CUX1: variants seen among roughly 807,000 people sequenced by gnomAD.
CUX1 encodes protein CASP.
CUX1 carries 31 observed loss-of-function variants against 158.8 expected under a neutral mutation model. That is an observed-to-expected ratio of 0.20 (90% confidence interval 0.15 to 0.26). The LOEUF is 0.26. Ranked by LOEUF, CUX1 falls within the 10% of genes least tolerant of loss-of-function variation. The pLI, the probability that CUX1 is intolerant of heterozygous loss-of-function variation, is 1.00. For missense variants in CUX1, 1,589 were observed against 2,014.6 expected, an observed-to-expected ratio of 0.79 and a Z score of 4.04; for synonymous variants, 879 against 862.1, an observed-to-expected ratio of 1.02 and a Z score of -0.34.
chr7:102,246,136 G>A (rs1308361354), intron 23 of CUX1, among the ~76,000 whole-genome samples: 2 of 152,044 alleles, frequency 1.3e-5, no homozygotes, highest in African/African-American at 4.8e-5. Context: ...GTTTTGGGTC[G>A]GGCTGGGACC....
intron 23 of CUX1, among the ~76,000 whole-genome samples, chr7:102,239,987 A>G (rs757765328): frequency 6.6e-6 from 1 of 152,000 alleles, no homozygotes; most frequent in African/African-American, 2.4e-5. Flanking sequence ...ACCTCAGGTG[A>G]TCTGCCCACC....
At position 101,827,244 on chromosome 7, in the gene CUX1, C is replaced by CCTCTTCTCTTCTCTTCTCTTCT. The variant is rs1554381497; in HGVS notation, c.30+9577_30+9578insCTTCTCTTCTCTTCTCTTCTCT. ...TATAACTTTTTTTCTCCCCTCCCCT[C>CCTCTTCTCTTCTCTTCTCTTCT]CTTCTCTTCTCTTCTCTTCTCTTCT... On this transcript the variant is annotated intron_variant, in intron 1 of 23. Transcript: ENST00000292535. Among the ~76,000 whole-genome samples the CCTCTTCTCTTCTCTTCTCTTCT allele has an allele frequency of 2.3e-5, 3 of 129,676 alleles. No homozygotes were observed. In the South Asian group the frequency reaches 8.7e-4, roughly 38 times the overall value. 85.1% of individuals were successfully genotyped at this position (129,676 alleles called of 152,430 possible).
intron 12 of CUX1, among the ~76,000 whole-genome samples, chr7:102,191,828 C>T (rs1338790313): frequency 1.3e-5 from 2 of 151,786 alleles, no homozygotes; most frequent in Non-Finnish European, 2.9e-5. Context: ...CCAACCCCCA[C>T]GTTCACTTCA....
At chr7:102,230,097 C>T (rs1319827690) in intron 21 of CUX1, among the ~76,000 whole-genome samples, 3 of 152,136 alleles carry the variant, frequency 2.0e-5, no homozygotes, top group Non-Finnish European at 4.4e-5. Context: ...ACAACCCTAC[C>T]GAGTGGTTGC....
At chr7:102,229,668 A>G (rs1798757849) in intron 21 of CUX1, among the ~76,000 whole-genome samples, 1 of 120,892 alleles carries the variant, frequency 8.3e-6, no homozygotes, top group Non-Finnish European at 1.6e-5. Flanking sequence ...CTCAGGCTGG[A>G]GTGCAGTGGC....
rs1350555568 is a variant in CUX1, at chr7:101,825,788, TGTGTGTGTGTGCGCGC to T, written c.30+8121_30+8136del. ...GTGTGTGTGTGTGTGTGTGTGTGTG[TGTGTGTGTGTGCGCGC>T]GCGCGCGCAGTTAGTCTTCGGGGCT... On this transcript the variant is annotated intron_variant, in intron 1 of 23. Transcript: ENST00000292535. 4.7e-3 allele frequency among the ~76,000 whole-genome samples: 491 copies of T among 105,240 alleles called. 6 individuals are homozygous for T. Among genetic ancestry groups the T allele is most frequent in the African/African-American group, 0.02 (468 of 23,990 alleles). The allele number at this position is 105,240 out of a possible 152,430, so 69.0% of individuals were successfully genotyped here.
intron 4 of CUX1, among the ~76,000 whole-genome samples, chr7:102,071,924 G>A (rs1033551491): frequency 1.3e-5 from 2 of 152,206 alleles, no homozygotes. Context: ...TGCTGTCTTA[G>A]GAGCTTATCT....
intron 1 of CUX1, among the ~76,000 whole-genome samples, chr7:101,854,606 C>T (rs991156772): frequency 2.0e-5 from 3 of 152,204 alleles, no homozygotes; most frequent in African/African-American, 7.2e-5. Flanking sequence ...TAACAGTTGC[C>T]TCCTCCGATT....
chr7:102,230,300 A>AC (rs1798823602), intron 21 of CUX1, among the ~76,000 whole-genome samples: 2 of 151,160 alleles, frequency 1.3e-5, no homozygotes, highest in South Asian at 2.1e-4. Flanking sequence ...ACACAGTGAG[A>AC]CCCCGTCTCT....
intron 2 of CUX1, among the ~76,000 whole-genome samples, chr7:101,956,163 AG>A (rs1809763316): frequency 6.7e-6 from 1 of 149,566 alleles, no homozygotes; most frequent in African/African-American, 2.4e-5. Context: ...AAAAAAAAAA[AG>A]GAGGCAGCTT....
chr7:101,817,461 C>T (rs932603020), upstream of CUX1: 22 of 1,061,680 alleles, frequency 2.1e-5, no homozygotes, highest in Middle Eastern at 4.2e-4. This position sits in a 1 kb window ranked among gnomAD's most constrained non-coding sequence, Gnocchi z 4.1. Flanking sequence ...GAGTCCCCGG[C>T]GCCGCGGGGG....
chr7:102,103,092 C>G (rs184268657), intron 5 of CUX1, among the ~76,000 whole-genome samples: 1 of 152,282 alleles, frequency 6.6e-6, no homozygotes, highest in Admixed American at 6.5e-5. Flanking sequence ...TGCGCTTTCC[C>G]AAGACAGCCC....
At chr7:101,845,949 A>G (rs1795645313) in intron 1 of CUX1, among the ~76,000 whole-genome samples, 2 of 152,022 alleles carry the variant, frequency 1.3e-5, no homozygotes. Flanking sequence ...CGGAGATTTC[A>G]GTGAGCCGAG....
intron 3 of CUX1, among the ~76,000 whole-genome samples, chr7:102,041,142 A>C (rs565941735): frequency 4.0e-5 from 6 of 151,670 alleles, no homozygotes; most frequent in East Asian, 3.9e-4. Flanking sequence ...CAAAAAAAAA[A>C]CAAAAATAAA....
chr7:101,982,129 A>G (rs1488713808), intron 2 of CUX1, among the ~76,000 whole-genome samples: 1 of 152,248 alleles, frequency 6.6e-6, no homozygotes, highest in African/African-American at 2.4e-5. Context: ...CCTGCATTGC[A>G]GGCTGAAATG....
intron 4 of CUX1, among the ~76,000 whole-genome samples, chr7:102,073,392 C>G (rs1826372208): frequency 6.6e-6 from 1 of 151,858 alleles, no homozygotes; most frequent in African/African-American, 2.4e-5. Context: ...AGGCTGGTCT[C>G]AAACTCCTGA....
At chr7:102,267,599 G>A (rs115229321) in intron 14 of CUX1, among the ~76,000 whole-genome samples, 2,966 of 152,218 alleles carry the variant, frequency 0.019, 98 homozygotes, top group African/African-American at 0.068. Flanking sequence ...GTACAACACC[G>A]CTGGCCTCGC....
chr7:101,970,215 A>G (rs192030490), intron 2 of CUX1, among the ~76,000 whole-genome samples: 12 of 152,274 alleles, frequency 7.9e-5, no homozygotes, highest in African/African-American at 2.4e-4. Context: ...GTGGCCCAGA[A>G]TGGCACTGAG....
intron 1 of CUX1, among the ~76,000 whole-genome samples, chr7:101,907,498 G>A (rs905026280): frequency 7.2e-5 from 11 of 152,030 alleles, no homozygotes; most frequent in South Asian, 2.1e-4. Flanking sequence ...ACAGGTGTAC[G>A]TCACCACACC....
Sources: gnomAD v4.1 joint callset for allele counts (sites outside exome capture counted in the v4.1 genomes callset) on GRCh38, gnomAD v4.1.1 for gene constraint, Gnocchi (gnomAD v3.1) non-coding constraint, MANE v1.5 for transcripts, NCBI Gene and HGNC (gene_info 2026-07-23, HGNC 2026-07-21) for gene names.